Variants in HNRNPH1 observed in about 807,000 individuals in gnomAD.
HNRNPH1 encodes heterogeneous nuclear ribonucleoprotein H.
Under a neutral mutation model 58.6 loss-of-function variants are expected in HNRNPH1, and 4 were observed. The observed-to-expected ratio is 0.07, with a 90% CI of 0.03 to 0.16. HNRNPH1 has a LOEUF of 0.16. Among genes scored for constraint, HNRNPH1 ranks in the 10% least tolerant of loss-of-function variants. HNRNPH1 has a pLI of 1.00. For missense variants in HNRNPH1, 271 were observed against 564.2 expected, an observed-to-expected ratio of 0.48 and a Z score of 5.26; for synonymous variants, 192 against 189.2, an observed-to-expected ratio of 1.01 and a Z score of -0.12.
At chr5:179,617,639 G>A in exon 8 of HNRNPH1, 1 of 1,611,634 alleles carries the variant, frequency 6.2e-7, no homozygotes, top group Non-Finnish European at 8.5e-7. Context: ...AGGGTTGAGC[G>A]GTGAAAAAAA....
exon 7 of HNRNPH1, chr5:179,617,840 G>T: frequency 6.2e-7 from 1 of 1,613,370 alleles, no homozygotes; most frequent in Non-Finnish European, 8.5e-7. Context: ...GGTAATCCCC[G>T]CATGTGTACA....
chr5:179,615,880 AAG>A, intron 11 of HNRNPH1: 1 of 529,300 alleles, frequency 1.9e-6, no homozygotes, highest in Non-Finnish European at 3.4e-6. Flanking sequence ...TCTTAATTCA[AAG>A]AACACTTCCC....
chr5:179,621,021 T>C, exon 3 of HNRNPH1: 1 of 1,613,896 alleles, frequency 6.2e-7, no homozygotes, highest in Non-Finnish European at 8.5e-7. Flanking sequence ...ATTTCAACGT[T>C]GTTTGACTTG....
At chr5:179,630,828 G>A (rs533551489) in intron 2 of HNRNPH1, among the ~76,000 whole-genome samples, 6 of 150,722 alleles carry the variant, frequency 4.0e-5, no homozygotes, top group South Asian at 2.1e-4. Context: ...GGAGAATGGC[G>A]TGAACCCGGG....
At chr5:179,623,162 A>T (rs748574661) in exon 1 of HNRNPH1, 48 of 1,534,322 alleles carry the variant, frequency 3.1e-5, no homozygotes, top group Non-Finnish European at 4.1e-5. Context: ...GCGTCGAAAC[A>T]AACTGCAAAG....
upstream of HNRNPH1, among the ~76,000 whole-genome samples, chr5:179,627,484 T>C (rs1378952018): frequency 1.4e-5 from 2 of 138,792 alleles, no homozygotes; most frequent in Non-Finnish European, 3.1e-5. Flanking sequence ...ATGTGAGCCA[T>C]GATGCTCGGC....
At chr5:179,629,162 T>C (rs922133612), upstream of HNRNPH1, 2 of 150,540 alleles carry the variant, frequency 1.3e-5, no homozygotes, top group Non-Finnish European at 3.0e-5. Flanking sequence ...CCGGGCGTGG[T>C]GGCGGGCGCC....
At chr5:179,614,667 G>A (rs1768582642) in exon 13 of HNRNPH1, 5 of 523,754 alleles carry the variant, frequency 9.5e-6, no homozygotes. Context: ...TCCTAGATGA[G>A]TATTGTATTC....
At chr5:179,618,201 T>C in exon 5 of HNRNPH1, 1 of 1,614,194 alleles carries the variant, frequency 6.2e-7, no homozygotes, top group Non-Finnish European at 8.5e-7. Context: ...GCCAATGCTG[T>C]TATACCCTCT....
chr5:179,619,940 C>A (rs1430796241), intron 3 of HNRNPH1: 2 of 152,190 alleles, frequency 1.3e-5, no homozygotes, highest in Non-Finnish European at 2.9e-5. Flanking sequence ...TGCTTATGCT[C>A]TAACAGTAGT....
chr5:179,625,354 T>G (rs4999743), upstream of HNRNPH1, among the ~76,000 whole-genome samples: 150,845 of 152,186 alleles, frequency 0.99, 74,780 homozygotes, highest in East Asian at 1. Context: ...AAATTATCTA[T>G]GCATGCACAC....
At chr5:179,614,805 A>G in exon 13 of HNRNPH1, 4 of 823,110 alleles carry the variant, frequency 4.9e-6, no homozygotes, top group Non-Finnish European at 7.4e-6. Flanking sequence ...AAAAAAAAAA[A>G]AGGTTGACCA....
In HNRNPH1 at chr5:179,632,265, G is replaced by A. The variant is rs1241146876; in HGVS notation, c.-32+1800C>T. On this transcript the variant is annotated intron_variant, in intron 2 of 4. Transcript: ENST00000521116. ...GGAGCTTGCAGTGAGCCAAGATCCC[G>A]CCACCGCACTCCAGCCTGAGTGACA... 1.2e-3 allele frequency among the ~76,000 whole-genome samples: 179 copies of A among 149,576 alleles called. 1 individual carries two copies. Among genetic ancestry groups the A allele is most frequent in the African/African-American group, 4.2e-3 (172 of 40,588 alleles).
At chr5:179,622,247 G>A (rs1772787629) in intron 1 of HNRNPH1, among the ~76,000 whole-genome samples, 1 of 152,182 alleles carries the variant, frequency 6.6e-6, no homozygotes, top group African/African-American at 2.4e-5. Context: ...AAATTAAGAC[G>A]TGACATTTTA....
intron 2 of HNRNPH1, among the ~76,000 whole-genome samples, chr5:179,630,983 G>C (rs1270385193): frequency 6.6e-6 from 1 of 151,538 alleles, no homozygotes; most frequent in African/African-American, 2.4e-5. Flanking sequence ...TTTCATTAAA[G>C]CATACATTCC....
chr5:179,616,068 C>A, intron 11 of HNRNPH1, 58 bp downstream of exon 12: 1 of 1,377,592 alleles, frequency 7.3e-7, no homozygotes, highest in Non-Finnish European at 1.0e-6. Flanking sequence ...ACTCTAAGTA[C>A]AGTAATGAAC....
At position 179,621,052 on chromosome 5, in the gene HNRNPH1, G is replaced by T; in HGVS notation, c.254-17C>A. ...ACTTGAATACTGAAAGAGGTGCTTA[G>T]AATTAGTCACTTTTGGAAAATTAGA... is the stretch of plus-strand genomic sequence containing the variant. On this transcript the variant is annotated splice_polypyrimidine_tract_variant and intron_variant, in intron 2 of 12. Transcript: ENST00000356731. The T allele has an allele frequency of 6.2e-7, 1 of 1,611,066 alleles. No individual in the cohort carries two copies.
intron 2 of HNRNPH1, 86 bp from the exon 4 acceptor site, chr5:179,621,121 A>C (rs1772114670): frequency 6.6e-7 from 1 of 1,521,826 alleles, no homozygotes; most frequent in East Asian, 2.3e-5. Context: ...AGCTAGGAAG[A>C]GCTGCCACAA....
chr5:179,616,822 A>C (rs1410153442), intron 10 of HNRNPH1, 47 bp downstream of exon 11: 1 of 1,431,480 alleles, frequency 7.0e-7, no homozygotes, highest in Non-Finnish European at 9.8e-7. Flanking sequence ...TAATTGACTT[A>C]TACAGATATA....
Sources: allele counts gnomAD v4.1 joint callset (sites outside exome capture counted in the v4.1 genomes callset), GRCh38; gene constraint gnomAD v4.1.1; transcripts MANE v1.5; gene names NCBI Gene and HGNC (gene_info 2026-07-23, HGNC 2026-07-21).